The following AEN variants were observed in gnomAD, a reference collection of about 807,000 sequenced individuals.
AEN encodes the protein apoptosis enhancing nuclease.
Under a neutral mutation model 17.7 loss-of-function variants are expected in AEN, and 21 were observed. The ratio of observed to expected loss-of-function variants is 1.19; its 90% CI spans 0.84 to 1.71. AEN has a LOEUF of 1.71. AEN is among the 40% of genes most tolerant of loss of function. The pLI, the probability that AEN is intolerant of heterozygous loss-of-function variation, is 0.00. For synonymous variants in AEN, 190 were observed against 173.0 expected (o/e 1.10, Z -0.77); for missense variants, 462 against 435.9 (o/e 1.06, Z -0.53).
At chr15:88,622,136 T>A (rs965707748) in intron 1 of AEN, among the ~76,000 whole-genome samples, 1 of 152,108 alleles carries the variant, frequency 6.6e-6, no homozygotes, top group Non-Finnish European at 1.5e-5. Context: ...GATTCTGACT[T>A]CTTGGTTCCT....
chr15:88,629,227 T>C lies in AEN; in HGVS notation c.542T>C (p.Ile181Thr), dbSNP rs780927428. The C allele has an allele frequency of 2.5e-6, 4 of 1,613,820 alleles. No homozygotes were observed. In the East Asian group the frequency reaches 8.9e-5, roughly 36 times the overall value. The change falls in exon 3 of 4, where the codon ATC (isoleucine) becomes ACC (threonine). Residue 181 changes from isoleucine to threonine, a missense_variant and splice_region_variant. Physicochemically the swap from Ile to Thr is moderately conservative, Grantham distance 89. Coordinates refer to ENST00000332810, the MANE Select transcript of AEN (RefSeq NM_022767.4). Reference sequence around the variant, plus strand: ...CCTGACTCCTCTTTCTGCTCACAGATCCTTAAGCTCCTGAAGGGCAAGGTG... The same window carrying C: ...CCTGACTCCTCTTTCTGCTCACAGACCCTTAAGCTCCTGAAGGGCAAGGTG... ...AVPFQVAQKEILKLLKGKVVV... is the reference protein window; with the variant it reads ...AVPFQVAQKETLKLLKGKVVV...
chr15:88,626,087 T>A lies in AEN; in HGVS notation c.-64-59T>A, dbSNP rs944226357. 8 of 981,402 alleles carry A rather than the reference T, an allele frequency of 8.2e-6. No individual in the cohort carries two copies. The East Asian group carries it at 2.1e-4, about 26-fold the overall frequency. The allele number at this position is 981,402 out of a possible 1,614,324, so 60.8% of individuals were successfully genotyped here. A position where few individuals can be genotyped will look rare whatever the true frequency, so the allele number is the denominator to read the frequency against. On this transcript the variant is annotated intron_variant, in intron 1 of 3. Coordinates refer to ENST00000332810, the MANE Select transcript of AEN (RefSeq NM_022767.4). ...GTGCACTGCAGGGAGGGAGGGAGGG[T>A]GGGTGGGCTGCCTGGCACACTCTCA... is the stretch of plus-strand genomic sequence containing the variant.
chr15:88,624,904 C>G (rs2057832686), intron 1 of AEN, among the ~76,000 whole-genome samples: 1 of 144,260 alleles, frequency 6.9e-6, no homozygotes, highest in African/African-American at 2.5e-5. Context: ...AAGTTAAACC[C>G]TGCTCTGCCT....
In AEN at chr15:88,626,302, GAGA is replaced by G. The variant is rs2057851800; in HGVS notation, c.96_98del (p.Arg33del). 1 of 1,613,688 alleles carries G rather than the reference GAGA, an allele frequency of 6.2e-7. No individual in the cohort carries two copies. The highest frequency in any genetic ancestry group is 8.5e-7 in the Non-Finnish European group (1 of 1,179,978). On this transcript the variant is annotated inframe_deletion, in exon 2 of 4. Coordinates refer to ENST00000332810, the MANE Select transcript of AEN (RefSeq NM_022767.4). ...AGGATGTGCTTCGGAAGAGGCACAA[GAGA>G]AGGAGCCGACAGCACCAGCGGTTCA... is the stretch of plus-strand genomic sequence containing the variant.
At chr15:88,622,982 G>A (rs2057807106) in intron 1 of AEN, among the ~76,000 whole-genome samples, 1 of 152,138 alleles carries the variant, frequency 6.6e-6, no homozygotes, top group Non-Finnish European at 1.5e-5. Flanking sequence ...CTTAATTTCT[G>A]GCTTCTTTAA....
chr15:88,620,335 G>A (rs2057772022), upstream of AEN, among the ~76,000 whole-genome samples: 2 of 152,002 alleles, frequency 1.3e-5, no homozygotes, highest in African/African-American at 4.8e-5. Flanking sequence ...CACATCATTC[G>A]TGCTCACATA....
the AEN span, chr15:88,611,999 T>G: frequency 2.3e-6 from 1 of 427,274 alleles, no homozygotes; most frequent in Non-Finnish European, 4.7e-6. Context: ...CTTTTTTGTA[T>G]CTTTTGTGTT....
the AEN span, among the ~76,000 whole-genome samples, chr15:88,606,567 A>G: frequency 6.6e-6 from 1 of 152,040 alleles, no homozygotes; most frequent in Non-Finnish European, 1.5e-5. Context: ...CATGCTTACC[A>G]GGCAACCAGT....
At chr15:88,610,307 A>ACT in the AEN span, among the ~76,000 whole-genome samples, 2 of 136,230 alleles carry the variant, frequency 1.5e-5, no homozygotes, top group African/African-American at 5.4e-5. Context: ...GCACGGGGCT[A>ACT]TTTTTTTTTT....
rs374545257 is a variant in AEN at position 88,626,569 on chromosome 15, G to C, written c.360G>C (p.Thr120=). 6.2e-7 allele frequency: 1 copy of C among 1,614,174 alleles called. No homozygotes were observed. Among genetic ancestry groups the C allele is most frequent in the Non-Finnish European group, 8.5e-7 (1 of 1,180,046 alleles). The change falls in exon 2 of 4, where the codon ACG becomes ACC. Residue 120 remains threonine (T), a synonymous_variant. Coordinates refer to ENST00000332810, the MANE Select transcript of AEN (RefSeq NM_022767.4). The part of the protein sequence containing the change: ...CVAIDCEMVG[T]GPRGRVSELA... ...CTATCGACTGTGAGATGGTGGGCAC[G>C]GGACCCCGAGGGCGGGTAAGCGAGC...
At chr15:88,606,757 TG>T in the AEN span, among the ~76,000 whole-genome samples, 3 of 152,232 alleles carry the variant, frequency 2.0e-5, no homozygotes, top group Admixed American at 6.5e-5. Flanking sequence ...GGAAGATGTT[TG>T]TTTTTTGTTT....
In AEN at chr15:88,630,325, C is replaced by T. The variant is rs17777460; in HGVS notation, c.*31C>T. ...GGGCGGGGCTCCCTGGCTGGGCTTC[C>T]GGTGTGGCCGGTAGGAAGTGGGGGC... On this transcript the variant is annotated 3_prime_UTR_variant, in exon 4 of 4. Coordinates refer to ENST00000332810, the MANE Select transcript of AEN (RefSeq NM_022767.4). The surrounding 1 kb of genome is among the most constrained non-coding windows in gnomAD (Gnocchi z 5.1). The T allele has an allele frequency of 0.095, 146,746 of 1,547,006 alleles. 7,748 individuals are homozygous for T. Among genetic ancestry groups the T allele is most frequent in the South Asian group, 0.11 (9,628 of 83,998 alleles).
upstream of AEN, among the ~76,000 whole-genome samples, chr15:88,620,332 T>C (rs1196638851): frequency 1.3e-5 from 2 of 152,168 alleles, no homozygotes; most frequent in East Asian, 3.9e-4. Context: ...TGGCACATCA[T>C]TCGTGCTCAC....
the AEN span, among the ~76,000 whole-genome samples, chr15:88,615,669 C>T: frequency 3.4e-4 from 51 of 152,182 alleles, 1 homozygote; most frequent in Non-Finnish European, 6.3e-4. Flanking sequence ...GGGCCTCATC[C>T]CCTGACTTTC....
upstream of AEN, among the ~76,000 whole-genome samples, chr15:88,618,713 T>C (rs1015528199): frequency 6.6e-6 from 1 of 152,232 alleles, no homozygotes; most frequent in South Asian, 2.1e-4. Context: ...ATTAAAACCA[T>C]AGAGAAATGG....
At position 88,626,555 on chromosome 15, in the gene AEN, G is replaced by A; in HGVS notation, c.346G>A (p.Glu116Lys). ...LPSKCVAIDC[E>K]MVGTGPRGRV... Reference sequence around the variant, plus strand: ...CAGCAAGTGTGTGGCTATCGACTGTGAGATGGTGGGCACGGGACCCCGAGG... The same window carrying A: ...CAGCAAGTGTGTGGCTATCGACTGTAAGATGGTGGGCACGGGACCCCGAGG... The change falls in exon 2 of 4, where the codon GAG (glutamate) becomes AAG (lysine). Residue 116 changes from glutamate (E) to lysine (K), a missense_variant. Glu to Lys is a moderately conservative substitution (Grantham distance 56). Transcript: ENST00000332810. 6.2e-7 allele frequency: 1 copy of A among 1,614,186 alleles called. No individual in the cohort carries two copies. Among genetic ancestry groups the A allele is most frequent in the African/African-American group, 1.3e-5 (1 of 75,080 alleles).
chr15:88,624,838 A>C (rs572187532), intron 1 of AEN, among the ~76,000 whole-genome samples: 1 of 151,170 alleles, frequency 6.6e-6, no homozygotes, highest in African/African-American at 2.4e-5. Flanking sequence ...AGCCGAGATC[A>C]CGGCACTGCA....
At chr15:88,611,433 TAA>T in the AEN span, among the ~76,000 whole-genome samples, 3,644 of 93,930 alleles carry the variant, frequency 0.039, 161 homozygotes, top group African/African-American at 0.14. Context: ...TTGTCTTTAC[TAA>T]AAAAAAAAAA....
chr15:88,614,049 T>C, the AEN span, among the ~76,000 whole-genome samples: 3 of 152,126 alleles, frequency 2.0e-5, no homozygotes, highest in East Asian at 5.8e-4. Flanking sequence ...CAGATCAGTA[T>C]CTTGCCCATT....
Sources: gnomAD v4.1 joint callset for allele counts (sites outside exome capture counted in the v4.1 genomes callset) on GRCh38, gnomAD v4.1.1 for gene constraint, Gnocchi (gnomAD v3.1) non-coding constraint, MANE v1.5 for transcripts, NCBI Gene and HGNC (gene_info 2026-07-23, HGNC 2026-07-21) for gene names.